RGL1: variants seen among roughly 807,000 people sequenced by gnomAD.
The protein encoded by RGL1 is ral guanine nucleotide dissociation stimulator like 1, also known as ral guanine nucleotide dissociation stimulator-like 1.
A neutral mutation model predicts 95.2 loss-of-function variants in RGL1; 24 were observed. That is an observed-to-expected ratio of 0.25 (90% confidence interval 0.18 to 0.35). The LOEUF (loss-of-function observed/expected upper bound fraction) is 0.35. Among genes scored for constraint, RGL1 ranks in the 10% least tolerant of loss-of-function variants. The pLI, the probability that RGL1 is intolerant of heterozygous loss-of-function variation, is 1.00. For synonymous variants in RGL1, 329 were observed against 344.9 expected (o/e 0.95, Z 0.51); for missense variants, 715 against 936.3 (o/e 0.76, Z 3.08).
At chr1:183,656,355 A>G (rs1186574597) in intron 1 of RGL1, among the ~76,000 whole-genome samples, 1 of 152,196 alleles carries the variant, frequency 6.6e-6, no homozygotes, top group Non-Finnish European at 1.5e-5. Flanking sequence ...GAATTGTTAA[A>G]TTAAGTTTAG....
chr1:183,886,099 AT>A (rs995817969), intron 7 of RGL1, among the ~76,000 whole-genome samples: 24 of 152,054 alleles, frequency 1.6e-4, no homozygotes, highest in African/African-American at 5.8e-4. Context: ...CCTTAAATAT[AT>A]TTTTCCTTGA....
At chr1:183,757,122 G>T (rs1658388649) in intron 2 of RGL1, among the ~76,000 whole-genome samples, 1 of 151,324 alleles carries the variant, frequency 6.6e-6, no homozygotes, top group South Asian at 2.1e-4. Flanking sequence ...ACAACGATAT[G>T]CAATGTTCTC....
In RGL1 at chr1:183,877,270, T is replaced by G. The variant is rs144538366; in HGVS notation, c.426-3346T>G. ...CAGAATTTCCCTTCAGCTGTAAGAT[T>G]CTTTACATCCCCCCACTCTGTTCTG... On this transcript the variant is annotated intron_variant, in intron 4 of 17. Transcript: ENST00000360851. Among the ~76,000 whole-genome samples the G allele has an allele frequency of 3.9e-3, 596 of 152,340 alleles. 3 individuals carry two copies. The highest frequency in any genetic ancestry group is 0.014 in the African/African-American group (572 of 41,582).
At chr1:183,844,473 T>C (rs1000038890) in intron 2 of RGL1, among the ~76,000 whole-genome samples, 1 of 152,214 alleles carries the variant, frequency 6.6e-6, no homozygotes, top group African/African-American at 2.4e-5. Flanking sequence ...TACCCCTCTC[T>C]TGGAGTTGAA....
chr1:183,858,757 C>A (rs1665323076), intron 3 of RGL1, among the ~76,000 whole-genome samples: 1 of 152,178 alleles, frequency 6.6e-6, no homozygotes, highest in Non-Finnish European at 1.5e-5. Flanking sequence ...GAACACAATT[C>A]TTTTGCCTTT....
intron 2 of RGL1, among the ~76,000 whole-genome samples, chr1:183,806,768 C>T (rs898568224): frequency 6.6e-6 from 1 of 151,610 alleles, no homozygotes; most frequent in Non-Finnish European, 1.5e-5. Context: ...AAATGACACA[C>T]AGAATACAGG....
At chr1:183,805,003 TG>T (rs755722325), upstream of RGL1, 51 of 306,396 alleles carry the variant, frequency 1.7e-4, no homozygotes, top group Admixed American at 4.1e-4. Flanking sequence ...ACTTTATCCA[TG>T]GGACTGAAGA....
chr1:183,648,316 G>A, intron 1 of RGL1: 1 of 1,614,200 alleles, frequency 6.2e-7, no homozygotes, highest in Non-Finnish European at 8.5e-7. Flanking sequence ...TGATAGAGCT[G>A]AGAAAAATAA....
chr1:183,806,437 A>C lies in RGL1; in HGVS notation c.90A>C (p.Lys30Asn). Residue 30 changes from lysine to asparagine, a missense_variant, in exon 2 of 18, where the codon AAA (lysine) becomes AAC (asparagine). Around this residue, in one of 3 missense-constraint regions of RGL1, gnomAD observed 381 missense variants for 484.8 expected, o/e 0.79. Transcript: ENST00000360851. ...GAGCTGTTTACCATGTCACCCTCAA[A>C]AGAGTCCAGATTCAACAGGCTGCCA... ...EEGAVYHVTL[K>N]RVQIQQAANK... 1 of 1,614,042 alleles carries C rather than the reference A, an allele frequency of 6.2e-7. No homozygotes were observed. Among genetic ancestry groups the C allele is most frequent in the Non-Finnish European group, 8.5e-7 (1 of 1,179,998 alleles).
intron 1 of RGL1, among the ~76,000 whole-genome samples, chr1:183,679,388 GC>G (rs1653048507): frequency 1.1e-5 from 1 of 92,588 alleles, no homozygotes; most frequent in Admixed American, 1.1e-4. Flanking sequence ...CCCTCCCCTT[GC>G]CCCCCACCCC....
At chr1:183,723,364 A>G (rs552472168) in intron 1 of RGL1, among the ~76,000 whole-genome samples, 14 of 152,350 alleles carry the variant, frequency 9.2e-5, no homozygotes, top group African/African-American at 3.4e-4. Context: ...CAGTTGAGTG[A>G]CCACTGTACC....
chr1:183,806,286 T>C, intron 1 of RGL1, 89 bp from the exon 2 acceptor site: 1 of 932,338 alleles, frequency 1.1e-6, no homozygotes, highest in Non-Finnish European at 1.7e-6. Flanking sequence ...CTGAGTGCTG[T>C]TGTAAGCAGC....
chr1:183,837,344 C>T (rs1321697753), intron 2 of RGL1, among the ~76,000 whole-genome samples: 5 of 152,170 alleles, frequency 3.3e-5, no homozygotes, highest in Admixed American at 2.6e-4. Context: ...TTGGGCTGCA[C>T]AAAAACAGAA....
At chr1:183,894,090 C>T (rs1010924523) in intron 9 of RGL1, among the ~76,000 whole-genome samples, 2 of 152,160 alleles carry the variant, frequency 1.3e-5, no homozygotes, top group Admixed American at 6.5e-5. Flanking sequence ...TTCACATGCC[C>T]CTGGCTTTGC....
intron 3 of RGL1, among the ~76,000 whole-genome samples, chr1:183,855,536 T>C (rs1443561433): frequency 6.6e-6 from 1 of 152,398 alleles, no homozygotes; most frequent in East Asian, 1.9e-4. Flanking sequence ...TGTACTTCCT[T>C]TTCTTTCAGT....
intron 1 of RGL1, chr1:183,710,189 C>T (rs541672170): frequency 7.3e-5 from 17 of 232,420 alleles, no homozygotes; most frequent in Middle Eastern, 5.1e-4. Context: ...GTGGTCCACT[C>T]GGTACTGCAG....
At chr1:183,855,923 TA>T (rs1665112599) in intron 3 of RGL1, among the ~76,000 whole-genome samples, 1 of 152,202 alleles carries the variant, frequency 6.6e-6, no homozygotes, top group South Asian at 2.1e-4. Context: ...TTAATTTTAG[TA>T]ACCTCCTACA....
At chr1:183,922,613 C>T (rs890623588) in intron 17 of RGL1, among the ~76,000 whole-genome samples, 1 of 152,148 alleles carries the variant, frequency 6.6e-6, no homozygotes, top group Admixed American at 6.5e-5. Context: ...AAACACTTTT[C>T]TAGGAAGAAG....
chr1:183,662,696 A>G (rs1234067399), intron 1 of RGL1, among the ~76,000 whole-genome samples: 1 of 152,218 alleles, frequency 6.6e-6, no homozygotes, highest in Non-Finnish European at 1.5e-5. Context: ...TTCTTCACAG[A>G]ATTGGAAAAA....
Sources: gnomAD v4.1 joint callset for allele counts (sites outside exome capture counted in the v4.1 genomes callset) on GRCh38, gnomAD v4.1.1 for gene constraint, gnomAD v4.1.1 regional missense constraint, MANE v1.5 for transcripts, NCBI Gene and HGNC (gene_info 2026-07-23, HGNC 2026-07-21) for gene names.